FTO: variants seen among roughly 807,000 people sequenced by gnomAD.
FTO encodes the protein alpha-ketoglutarate-dependent dioxygenase FTO.
Under a neutral mutation model 63.9 loss-of-function variants are expected in FTO, and 47 were observed. The ratio of observed to expected loss-of-function variants is 0.74; its 90% CI spans 0.58 to 0.94. The LOEUF (loss-of-function observed/expected upper bound fraction) is 0.94, where lower values mean the gene tolerates loss of function less well. Ranked by LOEUF, FTO falls within the 40% of genes least tolerant of loss-of-function variation. FTO has a pLI of 0.00. For missense variants in FTO, 562 were observed against 618.1 expected, an observed-to-expected ratio of 0.91 and a Z score of 0.96; for synonymous variants, 207 against 224.4, an observed-to-expected ratio of 0.92 and a Z score of 0.69.
intron 1 of FTO, among the ~76,000 whole-genome samples, chr16:53,769,129 T>A (rs932127451): frequency 6.6e-6 from 1 of 152,208 alleles, no homozygotes; most frequent in Admixed American, 6.5e-5. Flanking sequence ...TTAGCTGAAG[T>A]TCTCTTTAAG....
chr16:53,965,729 C>G (rs2083182888), intron 8 of FTO: 1 of 152,144 alleles, frequency 6.6e-6, no homozygotes, highest in African/African-American at 2.4e-5. Context: ...AGAGCAACGA[C>G]ATAGGGCAGT....
intron 8 of FTO, among the ~76,000 whole-genome samples, chr16:54,026,688 GTAT>G (rs1224388022): frequency 3.9e-5 from 6 of 152,170 alleles, no homozygotes; most frequent in Admixed American, 3.9e-4. Flanking sequence ...ATGTTGGCCA[GTAT>G]TATAGACGAG....
intron 7 of FTO, among the ~76,000 whole-genome samples, chr16:53,897,910 T>C (rs1386252310): frequency 6.6e-6 from 1 of 152,188 alleles, no homozygotes; most frequent in African/African-American, 2.4e-5. Flanking sequence ...TCTTGATTTA[T>C]CAGTGAATCC....
At chr16:54,105,151 A>G (rs897942224) in intron 8 of FTO, among the ~76,000 whole-genome samples, 7 of 152,222 alleles carry the variant, frequency 4.6e-5, no homozygotes, top group African/African-American at 1.7e-4. Flanking sequence ...AATTAGAGAT[A>G]GTTTATGCCC....
At chr16:53,849,209 G>A (rs1014637431) in intron 4 of FTO, among the ~76,000 whole-genome samples, 1 of 152,116 alleles carries the variant, frequency 6.6e-6, no homozygotes, top group East Asian at 1.9e-4. Flanking sequence ...GCCTCTCTTA[G>A]TCTCTGCCTT....
At chr16:53,765,138 G>A (rs2077169008) in intron 1 of FTO, among the ~76,000 whole-genome samples, 1 of 152,126 alleles carries the variant, frequency 6.6e-6, no homozygotes, top group African/African-American at 2.4e-5. Flanking sequence ...TGTTCATTTT[G>A]CAGATTTTAA....
In FTO at chr16:53,873,800, A is replaced by G. The variant is rs766767212; in HGVS notation, c.910A>G (p.Thr304Ala). 1 of 1,613,032 alleles carries G rather than the reference A, an allele frequency of 6.2e-7. No individual in the cohort carries two copies. The highest frequency in any genetic ancestry group is 8.5e-7 in the Non-Finnish European group (1 of 1,179,196). Residue 304 changes from threonine (T) to alanine (A), a missense_variant, in exon 5 of 9, where the codon ACC (threonine) becomes GCC (alanine). Thr to Ala is a moderately conservative substitution (Grantham distance 58). Coordinates refer to ENST00000471389, the MANE Select transcript of FTO (RefSeq NM_001080432.3). ...TTTTCCTGTAGATGATCTCAATGCC[A>G]CCCACCAACACTGTGTTTTGGCCGG... ...CYFMLDDLNATHQHCVLAGSQ... is the reference protein window; with the variant it reads ...CYFMLDDLNAAHQHCVLAGSQ...
intron 2 of FTO, among the ~76,000 whole-genome samples, chr16:53,816,505 C>G (rs552676255): frequency 2.6e-5 from 4 of 151,882 alleles, no homozygotes; most frequent in Admixed American, 1.3e-4. Flanking sequence ...CCCCACCCCC[C>G]CTCACACTTT....
chr16:53,783,816 T>C (rs1466729785), intron 1 of FTO, among the ~76,000 whole-genome samples: 2 of 152,042 alleles, frequency 1.3e-5, no homozygotes, highest in Admixed American at 1.3e-4. Flanking sequence ...TTTGAATGCA[T>C]GCTCCATTAT....
At chr16:53,828,094 G>C (rs984659937) in intron 3 of FTO, among the ~76,000 whole-genome samples, 1 of 152,146 alleles carries the variant, frequency 6.6e-6, no homozygotes. Flanking sequence ...CTATGCTCAG[G>C]AGTAATTAAG....
Position 53,958,557 on chromosome 16 carries a change from G to T in FTO, c.1364+24448G>T, listed in dbSNP as rs868238327. Among the ~76,000 whole-genome samples the T allele has an allele frequency of 4.6e-5, 7 of 152,196 alleles. No individual in the cohort carries two copies. In the South Asian group the frequency reaches 1.2e-3, roughly 27 times the overall value. On this transcript the variant is annotated intron_variant, in intron 8 of 8. Transcript: ENST00000471389. The stretch of plus-strand genomic sequence containing the variant: ...GAGCGAGATTAAGCTTACTAAGCCT[G>T]CCATGTTCCCTGTAAAATATCAAGT...
At chr16:53,958,630 T>C (rs1466723839) in intron 8 of FTO, among the ~76,000 whole-genome samples, 2 of 152,168 alleles carry the variant, frequency 1.3e-5, no homozygotes, top group East Asian at 3.8e-4. Context: ...GGGTGTGACC[T>C]TGAGTGGAAG....
intron 8 of FTO, among the ~76,000 whole-genome samples, chr16:54,011,291 A>C (rs1861358): frequency 0.53 from 80,226 of 152,058 alleles, 23,676 homozygotes; most frequent in African/African-American, 0.79. Flanking sequence ...TCTTTTAGAA[A>C]GTTTCTGATG....
chr16:53,834,341 A>G (rs1045423779), intron 3 of FTO, among the ~76,000 whole-genome samples: 3 of 152,142 alleles, frequency 2.0e-5, no homozygotes, highest in African/African-American at 7.2e-5. Flanking sequence ...TTGATGATAT[A>G]TTAATGTGAT....
intron 6 of FTO, among the ~76,000 whole-genome samples, chr16:53,883,654 T>C (rs1368419572): frequency 1.7e-4 from 18 of 105,226 alleles, no homozygotes; most frequent in Non-Finnish European, 2.8e-4. Flanking sequence ...AAAAAACAAA[T>C]TTGTCTGCTT....
chr16:53,741,695 G>A (rs1364494013), intron 1 of FTO, among the ~76,000 whole-genome samples: 1 of 152,180 alleles, frequency 6.6e-6, no homozygotes, highest in African/African-American at 2.4e-5. Context: ...ATTTCATAGA[G>A]AGAGGGTGAC....
intron 8 of FTO, among the ~76,000 whole-genome samples, chr16:53,935,059 T>C (rs1161277337): frequency 6.6e-6 from 1 of 152,168 alleles, no homozygotes; most frequent in Non-Finnish European, 1.5e-5. Context: ...AAACAGTTGA[T>C]ATGTGGGAGG....
intron 3 of FTO, among the ~76,000 whole-genome samples, chr16:53,834,393 A>G (rs957187798): frequency 2.0e-5 from 3 of 152,196 alleles, no homozygotes; most frequent in African/African-American, 4.8e-5. Flanking sequence ...TTTACTGTCC[A>G]TGACATTGAT....
intron 2 of FTO, among the ~76,000 whole-genome samples, chr16:53,823,977 A>G (rs543545486): frequency 6.6e-6 from 1 of 152,352 alleles, no homozygotes; most frequent in South Asian, 2.1e-4. Context: ...CCTACAACGT[A>G]TGTATTTCAT....
Sources: allele counts gnomAD v4.1 joint callset (sites outside exome capture counted in the v4.1 genomes callset), GRCh38; gene constraint gnomAD v4.1.1; transcripts MANE v1.5; gene names NCBI Gene and HGNC (gene_info 2026-07-23, HGNC 2026-07-21).